The following MTRF1 variants were observed in gnomAD, a reference collection of about 807,000 sequenced individuals.
MTRF1 encodes peptide chain release factor 1, mitochondrial.
MTRF1 carries 51 observed loss-of-function variants against 62.9 expected under a neutral mutation model. The observed-to-expected ratio is 0.81, with a 90% CI of 0.65 to 1.02. The LOEUF is 1.02. Among genes scored for constraint, MTRF1 ranks in the 50% least tolerant of loss-of-function variants. The pLI is 0.00. For synonymous variants in MTRF1, 158 were observed against 181.9 expected, an observed-to-expected ratio of 0.87 and a Z score of 1.06; for missense variants, 446 against 530.0, an observed-to-expected ratio of 0.84 and a Z score of 1.56.
intron 9 of MTRF1, among the ~76,000 whole-genome samples, chr13:41,217,618 C>T (rs1566047441): frequency 6.6e-6 from 1 of 151,550 alleles, no homozygotes; most frequent in Non-Finnish European, 1.5e-5. Flanking sequence ...TCTTATTGTA[C>T]CCTAAAAAAA....
At chr13:41,299,104 G>GT in the MTRF1 span, among the ~76,000 whole-genome samples, 7 of 149,594 alleles carry the variant, frequency 4.7e-5, no homozygotes. Flanking sequence ...CTTCAACCTG[G>GT]GTGTGTGTGT....
the MTRF1 span, among the ~76,000 whole-genome samples, chr13:41,286,190 T>G: frequency 6.6e-6 from 1 of 152,174 alleles, no homozygotes; most frequent in African/African-American, 2.4e-5. Flanking sequence ...CACAACTTTT[T>G]GCTTAGTTGA....
chr13:41,271,384 G>T, the MTRF1 span, among the ~76,000 whole-genome samples: 1 of 152,112 alleles, frequency 6.6e-6, no homozygotes, highest in African/African-American at 2.4e-5. Context: ...GCTCAAAAGG[G>T]GGTCATTCTC....
chr13:41,263,325 T>C (rs1216605769), intron 1 of MTRF1, 160 bp downstream of exon 1: 3 of 1,288,902 alleles, frequency 2.3e-6, no homozygotes, highest in Middle Eastern at 2.1e-4. Flanking sequence ...AGTATTACTC[T>C]GATGCTTTGG....
the MTRF1 span, among the ~76,000 whole-genome samples, chr13:41,282,916 T>C: frequency 1.1e-4 from 17 of 152,244 alleles, no homozygotes; most frequent in African/African-American, 3.9e-4. Flanking sequence ...GCGACTGCCC[T>C]TGGGTCAGTA....
the MTRF1 span, among the ~76,000 whole-genome samples, chr13:41,273,099 G>T: frequency 2.0e-5 from 3 of 152,078 alleles, no homozygotes; most frequent in Non-Finnish European, 4.4e-5. Context: ...GGCCGAGGCG[G>T]GTGGATCACG....
intron 2 of MTRF1, 40 bp from the exon 3 acceptor site, chr13:41,254,660 T>C: frequency 6.7e-7 from 1 of 1,499,856 alleles, no homozygotes; most frequent in Non-Finnish European, 9.2e-7. Context: ...AGTTTTTAAA[T>C]ACTTACAGAG....
At chr13:41,243,193 T>C (rs1173450889) in intron 5 of MTRF1, among the ~76,000 whole-genome samples, 2 of 151,950 alleles carry the variant, frequency 1.3e-5, no homozygotes, top group African/African-American at 2.4e-5. Context: ...CACTCCAGCC[T>C]GGATGACAGA....
the MTRF1 span, chr13:41,311,262 A>T: frequency 3.7e-6 from 2 of 546,926 alleles, no homozygotes; most frequent in African/African-American, 4.0e-5. Flanking sequence ...CCTGGCTGCC[A>T]TCTTGCAGTG....
the MTRF1 span, among the ~76,000 whole-genome samples, chr13:41,277,449 C>T: frequency 6.6e-6 from 1 of 152,094 alleles, no homozygotes. Flanking sequence ...TTCTTTACTG[C>T]AATGCCATGG....
chr13:41,269,185 G>GTTTTTTTTTTTTTTTTTTTTTTTT, the MTRF1 span, among the ~76,000 whole-genome samples: 1 of 96,502 alleles, frequency 1.0e-5, no homozygotes, highest in Non-Finnish European at 1.9e-5. Flanking sequence ...CTTTTACCTT[G>GTTTTTTTTTTTTTTTTTTTTTTTT]TTTTTTTTTT....
chr13:41,300,867 T>C, the MTRF1 span, among the ~76,000 whole-genome samples: 8,035 of 152,304 alleles, frequency 0.053, 281 homozygotes, highest in Non-Finnish European at 0.074. Flanking sequence ...AGGCAGCTAG[T>C]CAAGAACAAA....
chr13:41,272,594 T>A, the MTRF1 span, among the ~76,000 whole-genome samples: 1 of 152,114 alleles, frequency 6.6e-6, no homozygotes, highest in Non-Finnish European at 1.5e-5. Flanking sequence ...CACTGAGCAC[T>A]CTAATGGTAA....
intron 2 of MTRF1, among the ~76,000 whole-genome samples, chr13:41,258,587 A>AC (rs2040025529): frequency 2.8e-5 from 4 of 144,278 alleles, no homozygotes; most frequent in Non-Finnish European, 4.6e-5. Context: ...AAAAAAAAAA[A>AC]CATAAAAAAT....
At chr13:41,289,159 T>C in the MTRF1 span, among the ~76,000 whole-genome samples, 1 of 152,160 alleles carries the variant, frequency 6.6e-6, no homozygotes, top group Non-Finnish European at 1.5e-5. Context: ...TTTGAAGTGT[T>C]GTCTTCTCTT....
the MTRF1 span, among the ~76,000 whole-genome samples, chr13:41,296,346 T>C: frequency 5.3e-5 from 8 of 152,200 alleles, no homozygotes; most frequent in Non-Finnish European, 1.0e-4. Flanking sequence ...AGCACTGGGA[T>C]TGCTGTCCTG....
At chr13:41,277,899 G>A in the MTRF1 span, among the ~76,000 whole-genome samples, 2 of 152,270 alleles carry the variant, frequency 1.3e-5, no homozygotes, top group South Asian at 4.1e-4. Flanking sequence ...ATATCACTTT[G>A]GGGATTTTAG....
intron 3 of MTRF1, among the ~76,000 whole-genome samples, chr13:41,253,576 TAAAG>T (rs2039346614): frequency 6.6e-6 from 1 of 152,150 alleles, no homozygotes; most frequent in Non-Finnish European, 1.5e-5. Context: ...GGCTTCCTAA[TAAAG>T]AAAGTAACCG....
At chr13:41,307,627 A>G in the MTRF1 span, among the ~76,000 whole-genome samples, 2 of 151,920 alleles carry the variant, frequency 1.3e-5, no homozygotes, top group Non-Finnish European at 2.9e-5. Flanking sequence ...AAAAAAAAAA[A>G]AGTGTGTAGC....
Sources: allele counts gnomAD v4.1 joint callset (sites outside exome capture counted in the v4.1 genomes callset), GRCh38; gene constraint gnomAD v4.1.1; transcripts MANE v1.5; gene names NCBI Gene and HGNC (gene_info 2026-07-23, HGNC 2026-07-21).